XKR4: variants seen among roughly 807,000 people sequenced by gnomAD.
XKR4 encodes the protein XK-related protein 4.
A neutral mutation model predicts 53.9 loss-of-function variants in XKR4; 12 were observed. That is an observed-to-expected ratio of 0.22 (90% CI 0.14 to 0.36). The LOEUF (loss-of-function observed/expected upper bound fraction) is 0.36, where lower values mean the gene tolerates loss of function less well. XKR4 is among the 10% of genes least tolerant of loss of function. The probability of loss-of-function intolerance (pLI) is 1.00; values close to 1 mark genes in which losing one functional copy is unlikely to be tolerated. For missense variants in XKR4, 799 were observed against 859.5 expected (o/e 0.93, Z 0.88); for synonymous variants, 354 against 362.4 (o/e 0.98, Z 0.26).
chr8:55,331,469 G>A lies in XKR4; in HGVS notation c.807-26209G>A, dbSNP rs576524850. Among the ~76,000 whole-genome samples the A allele has an allele frequency of 1.3e-3, 192 of 152,122 alleles. 1 individual carries two copies. Among genetic ancestry groups the A allele is most frequent in the Admixed American group, 3.5e-3 (54 of 15,276 alleles). On this transcript the variant is annotated intron_variant, in intron 1 of 2. Coordinates refer to ENST00000327381, the MANE Select transcript of XKR4 (RefSeq NM_052898.2). ...TCAATAGATGTATTTCAGTCTAATT[G>A]GGCATATATTGTTCAAATCTTCTAT...
chr8:55,308,187 A>G (rs2129377876), intron 1 of XKR4, among the ~76,000 whole-genome samples: 1 of 152,342 alleles, frequency 6.6e-6, no homozygotes, highest in South Asian at 2.1e-4. Context: ...CGGGAGGCAT[A>G]GGTTGCAGTG....
chr8:55,264,891 TG>T (rs898167038), intron 1 of XKR4, among the ~76,000 whole-genome samples: 64 of 152,364 alleles, frequency 4.2e-4, no homozygotes, highest in African/African-American at 1.4e-3. Flanking sequence ...TTTTAAGACT[TG>T]GGGATATATG....
chr8:55,482,944 A>G (rs568547156), intron 2 of XKR4, among the ~76,000 whole-genome samples: 1 of 152,288 alleles, frequency 6.6e-6, no homozygotes, highest in East Asian at 1.9e-4. Context: ...CAAATTTGAG[A>G]TCTTCTTACC....
chr8:55,532,050 C>T lies in XKR4; in HGVS notation c.*7823C>T, dbSNP rs1806960898. The T allele has an allele frequency of 6.6e-6, 1 of 152,164 alleles. No individual in the cohort carries two copies. Among genetic ancestry groups the T allele is most frequent in the Non-Finnish European group, 1.5e-5 (1 of 68,042 alleles). 9.4% of individuals were successfully genotyped at this position (152,164 alleles called of 1,614,324 possible). A position where few individuals can be genotyped will look rare whatever the true frequency, so the allele number is the denominator to read the frequency against. ...ATAAGCAGCAGATTGTTAAAGATCA[C>T]TATTAACTTGTATAACTAATTTTCC... On this transcript the variant is annotated 3_prime_UTR_variant, in exon 3 of 3. Coordinates refer to ENST00000327381, the MANE Select transcript of XKR4 (RefSeq NM_052898.2).
At position 55,535,534 on chromosome 8, in the gene XKR4, C is replaced by T. The variant is rs1807020468; in HGVS notation, c.*11307C>T. On this transcript the variant is annotated 3_prime_UTR_variant, in exon 3 of 3. Coordinates refer to ENST00000327381, the MANE Select transcript of XKR4 (RefSeq NM_052898.2). Reference sequence around the variant, plus strand: ...AGGTACAAAGATACTCTGTAATGTACAATGAGGTGGCCAATCGTGGGAATA... The same window carrying T: ...AGGTACAAAGATACTCTGTAATGTATAATGAGGTGGCCAATCGTGGGAATA... 1 of 152,046 alleles carries T rather than the reference C, an allele frequency of 6.6e-6. No individual in the cohort carries two copies. The highest frequency in any genetic ancestry group is 1.5e-5 in the Non-Finnish European group (1 of 68,010). 9.4% of individuals were successfully genotyped at this position (152,046 alleles called of 1,614,324 possible). A position where few individuals can be genotyped will look rare whatever the true frequency, so the allele number is the denominator to read the frequency against.
intron 2 of XKR4, among the ~76,000 whole-genome samples, chr8:55,362,835 G>A (rs1211098002): frequency 6.6e-6 from 1 of 152,184 alleles, no homozygotes; most frequent in East Asian, 1.9e-4. Context: ...ATACAGCCTT[G>A]CTGTATCAGA....
chr8:55,134,073 A>G (rs1054736034), intron 1 of XKR4, among the ~76,000 whole-genome samples: 2 of 152,226 alleles, frequency 1.3e-5, no homozygotes, highest in Admixed American at 6.5e-5. Context: ...TAAATTTCAA[A>G]GTAAAGACTG....
chr8:55,326,842 A>G (rs1286903877), intron 1 of XKR4, among the ~76,000 whole-genome samples: 1 of 151,624 alleles, frequency 6.6e-6, no homozygotes, highest in African/African-American at 2.4e-5. Context: ...ATTATATTTG[A>G]GTTTTTATGC....
At chr8:55,326,715 C>T (rs1261589093) in intron 1 of XKR4, among the ~76,000 whole-genome samples, 2 of 151,878 alleles carry the variant, frequency 1.3e-5, no homozygotes, top group Non-Finnish European at 2.9e-5. Context: ...AAGCGATCTG[C>T]TCACCTCGGC....
intron 2 of XKR4, among the ~76,000 whole-genome samples, chr8:55,413,257 CT>C (rs1804800994): frequency 6.6e-6 from 1 of 152,208 alleles, no homozygotes; most frequent in Admixed American, 6.5e-5. Flanking sequence ...GAGTCTCACT[CT>C]GTCATCTAGG....
chr8:55,239,373 C>CT (rs147598405), intron 1 of XKR4, among the ~76,000 whole-genome samples: 1 of 152,192 alleles, frequency 6.6e-6, no homozygotes, highest in Non-Finnish European at 1.5e-5. Context: ...CCATATGATA[C>CT]TTTTTTATAT....
At chr8:55,262,215 T>G (rs946089333) in intron 1 of XKR4, among the ~76,000 whole-genome samples, 12 of 152,274 alleles carry the variant, frequency 7.9e-5, no homozygotes, top group Admixed American at 2.6e-4. Flanking sequence ...TGACATTTAT[T>G]AAGTACCTTC....
chr8:55,315,513 GTT>G (rs1563322635), intron 1 of XKR4, among the ~76,000 whole-genome samples: 2 of 151,938 alleles, frequency 1.3e-5, no homozygotes, highest in Admixed American at 6.6e-5. Context: ...CTCAGCACCC[GTT>G]TGAATGGGAA....
At chr8:55,510,101 C>T (rs1164796366) in intron 2 of XKR4, among the ~76,000 whole-genome samples, 1 of 152,144 alleles carries the variant, frequency 6.6e-6, no homozygotes, top group Non-Finnish European at 1.5e-5. Context: ...TCTCCCCTCC[C>T]AGGGGCAGGA....
chr8:55,421,210 T>A (rs1258666791), intron 2 of XKR4, among the ~76,000 whole-genome samples: 2 of 152,248 alleles, frequency 1.3e-5, no homozygotes, highest in African/African-American at 4.8e-5. Flanking sequence ...TTATCCTCTT[T>A]GATTCTCACA....
At chr8:55,301,120 T>C (rs1385057016) in intron 1 of XKR4, among the ~76,000 whole-genome samples, 2 of 151,162 alleles carry the variant, frequency 1.3e-5, no homozygotes, top group African/African-American at 4.9e-5. Flanking sequence ...GCATTAGGTG[T>C]ATCTCCTAAT....
intron 2 of XKR4, among the ~76,000 whole-genome samples, chr8:55,384,013 T>C (rs925866791): frequency 2.6e-5 from 4 of 152,226 alleles, no homozygotes; most frequent in Non-Finnish European, 5.9e-5. Context: ...AAGCTTAATC[T>C]GCAAGTCTCC....
intron 2 of XKR4, among the ~76,000 whole-genome samples, chr8:55,448,061 T>A (rs1006969103): frequency 2.6e-5 from 4 of 152,230 alleles, no homozygotes; most frequent in Admixed American, 2.6e-4. Flanking sequence ...CTGTCAAGTT[T>A]GCTAAAAAGA....
intron 1 of XKR4, among the ~76,000 whole-genome samples, chr8:55,253,558 T>C (rs963668237): frequency 6.6e-6 from 1 of 152,202 alleles, no homozygotes; most frequent in Non-Finnish European, 1.5e-5. Flanking sequence ...GCATAGATTG[T>C]GTCTTGTTCC....
Sources: allele counts gnomAD v4.1 joint callset (sites outside exome capture counted in the v4.1 genomes callset), GRCh38; gene constraint gnomAD v4.1.1; transcripts MANE v1.5; gene names NCBI Gene and HGNC (gene_info 2026-07-23, HGNC 2026-07-21).